The following ALG14 variants were observed in gnomAD, a reference collection of about 807,000 sequenced individuals.
The protein encoded by ALG14 is UDP-N-acetylglucosamine transferase subunit ALG14.
ALG14 carries 17 observed loss-of-function variants against 22.8 expected under a neutral mutation model. That is an observed-to-expected ratio of 0.75 (90% CI 0.51 to 1.12). The LOEUF is 1.12. ALG14 is among the 50% of genes most tolerant of loss of function. The pLI is 0.00. For missense variants in ALG14, 288 were observed against 271.8 expected (o/e 1.06, Z -0.42); for synonymous variants, 89 against 103.7 (o/e 0.86, Z 0.86).
chr1:95,060,790 C>T (rs1342285587), intron 2 of ALG14, among the ~76,000 whole-genome samples: 8 of 151,972 alleles, frequency 5.3e-5, no homozygotes, highest in Admixed American at 6.6e-5. Context: ...GTGAAGCAAA[C>T]CCAACTTACT....
chr1:94,995,748 T>G (rs2100727320), intron 3 of ALG14, among the ~76,000 whole-genome samples: 2 of 152,282 alleles, frequency 1.3e-5, no homozygotes, highest in South Asian at 4.1e-4. Flanking sequence ...AAGTTTGGAT[T>G]CCACACATTG....
intron 3 of ALG14, among the ~76,000 whole-genome samples, chr1:95,007,505 G>A (rs1183996930): frequency 2.0e-5 from 3 of 152,162 alleles, no homozygotes; most frequent in Non-Finnish European, 4.4e-5. Flanking sequence ...ATTCCTGCAC[G>A]TCTAGTGAAC....
chr1:94,993,123 A>G (rs1672814877), intron 3 of ALG14, among the ~76,000 whole-genome samples: 1 of 148,704 alleles, frequency 6.7e-6, no homozygotes, highest in Non-Finnish European at 1.5e-5. Flanking sequence ...AGATAACAAT[A>G]ACCCAGCCAT....
chr1:94,995,411 T>C lies in ALG14; in HGVS notation c.421-12105A>G, dbSNP rs988231808. On this transcript the variant is annotated intron_variant, in intron 3 of 3. Transcript: ENST00000370205. The stretch of plus-strand genomic sequence containing the variant: ...TAAAGTTGCTGTACTCTTGGTGTGC[T>C]TAAAGAACGTGGTATTTTGGGCAAG... Among the ~76,000 whole-genome samples the C allele has an allele frequency of 2.0e-5, 3 of 152,280 alleles. No individual in the cohort carries two copies. The South Asian group carries it at 6.2e-4, about 32-fold the overall frequency.
chr1:95,027,957 G>A (rs1673873708), intron 2 of ALG14, among the ~76,000 whole-genome samples: 1 of 152,192 alleles, frequency 6.6e-6, no homozygotes, highest in Non-Finnish European at 1.5e-5. Flanking sequence ...TTCTCCAGTA[G>A]GGAATGGAGA....
chr1:95,011,513 C>T (rs937767251), intron 3 of ALG14, among the ~76,000 whole-genome samples: 3 of 151,878 alleles, frequency 2.0e-5, no homozygotes, highest in Middle Eastern at 3.2e-3. Context: ...GCAAGCTCCA[C>T]CTCCTGGGTT....
intron 2 of ALG14, among the ~76,000 whole-genome samples, chr1:95,044,937 A>C (rs1417533966): frequency 6.6e-6 from 1 of 152,152 alleles, no homozygotes; most frequent in African/African-American, 2.4e-5. Flanking sequence ...GGAAAACTGA[A>C]AATCTTTGTT....
chr1:94,992,031 A>G (rs1351330303), intron 3 of ALG14, among the ~76,000 whole-genome samples: 1 of 144,556 alleles, frequency 6.9e-6, no homozygotes, highest in Non-Finnish European at 1.5e-5. Flanking sequence ...TATGAGAACA[A>G]TGCCTTCTTC....
Position 95,033,426 on chromosome 1 carries a change from C to T in ALG14, c.289-6166G>A, listed in dbSNP as rs911074314. ...ACATATATATATATATATATACACA[C>T]ACACACACACACACACACATACATA... is the stretch of plus-strand genomic sequence containing the variant. On this transcript the variant is annotated intron_variant, in intron 2 of 3. Transcript: ENST00000370205. 2.2e-3 allele frequency among the ~76,000 whole-genome samples: 323 copies of T among 147,392 alleles called. 1 individual carries two copies. Among genetic ancestry groups the T allele is most frequent in the African/African-American group, 6.9e-3 (271 of 38,994 alleles).
In ALG14 at chr1:95,064,857, G is replaced by C; in HGVS notation, c.288+9C>G. On this transcript the variant is annotated intron_variant, in intron 2 of 3. Transcript: ENST00000370205. ...TGTAATTTTCTTAGAAATAGAAATT[G>C]TCACTTACCATGTTACTAGGGTCTC... is the stretch of plus-strand genomic sequence containing the variant. 1 of 1,601,904 alleles carries C rather than the reference G, an allele frequency of 6.2e-7. No individual in the cohort carries two copies. Among genetic ancestry groups the C allele is most frequent in the Non-Finnish European group, 8.5e-7 (1 of 1,172,760 alleles).
At chr1:95,042,807 G>T (rs1167559696) in intron 2 of ALG14, among the ~76,000 whole-genome samples, 1 of 152,084 alleles carries the variant, frequency 6.6e-6, no homozygotes, top group Non-Finnish European at 1.5e-5. Context: ...TTTAAAAGTC[G>T]GGTCCTTCTG....
intron 2 of ALG14, among the ~76,000 whole-genome samples, chr1:95,063,354 T>TA (rs1239967281): frequency 6.6e-6 from 1 of 152,236 alleles, no homozygotes; most frequent in Non-Finnish European, 1.5e-5. Flanking sequence ...ATTTTCATCA[T>TA]AAAATCTTTG....
intron 3 of ALG14, among the ~76,000 whole-genome samples, chr1:95,010,785 T>G (rs1673340671): frequency 6.6e-6 from 1 of 152,196 alleles, no homozygotes; most frequent in Admixed American, 6.5e-5. Flanking sequence ...AATTAGTTCC[T>G]TTTGCCATTC....
chr1:95,008,434 T>C (rs1373024804), intron 3 of ALG14, among the ~76,000 whole-genome samples: 1 of 152,202 alleles, frequency 6.6e-6, no homozygotes, highest in African/African-American at 2.4e-5. Flanking sequence ...CAAATACAAA[T>C]ATCAGAAATT....
In ALG14 at chr1:95,045,364, T is replaced by A. The variant is rs1674514199; in HGVS notation, c.289-18104A>T. On this transcript the variant is annotated intron_variant, in intron 2 of 3. Coordinates refer to ENST00000370205, the MANE Select transcript of ALG14 (RefSeq NM_144988.4). Reference sequence around the variant, plus strand: ...TGGTTCTGATTTTAGAGAGAAAGAATGTAATGGACATTGGCTTTTGGCTCC... The same window carrying A: ...TGGTTCTGATTTTAGAGAGAAAGAAAGTAATGGACATTGGCTTTTGGCTCC... 3.3e-5 allele frequency among the ~76,000 whole-genome samples: 5 copies of A among 152,152 alleles called. No individual in the cohort carries two copies. In the South Asian group the frequency reaches 1.0e-3, roughly 31 times the overall value.
chr1:95,053,967 T>C (rs1264968664), intron 2 of ALG14, among the ~76,000 whole-genome samples: 1 of 152,142 alleles, frequency 6.6e-6, no homozygotes, highest in African/African-American at 2.4e-5. Flanking sequence ...GCTCACAATG[T>C]CAGATTAGAG....
At chr1:95,033,892 A>C (rs538760449) in intron 2 of ALG14, among the ~76,000 whole-genome samples, 26 of 152,312 alleles carry the variant, frequency 1.7e-4, no homozygotes, top group African/African-American at 6.3e-4. Flanking sequence ...TCTGTTTATA[A>C]TGTAAAGCAG....
intron 2 of ALG14, among the ~76,000 whole-genome samples, chr1:95,036,860 A>G (rs1176038071): frequency 1.3e-5 from 2 of 152,190 alleles, no homozygotes; most frequent in Non-Finnish European, 2.9e-5. Context: ...TCTGGACCTC[A>G]GTGTCCCACT....
At chr1:95,043,589 G>A (rs1674450100) in intron 2 of ALG14, among the ~76,000 whole-genome samples, 1 of 152,156 alleles carries the variant, frequency 6.6e-6, no homozygotes, top group Non-Finnish European at 1.5e-5. Context: ...ATGATCAGCA[G>A]TGCACTGCCA....
Sources: allele counts gnomAD v4.1 joint callset (sites outside exome capture counted in the v4.1 genomes callset), GRCh38; gene constraint gnomAD v4.1.1; transcripts MANE v1.5; gene names NCBI Gene and HGNC (gene_info 2026-07-23, HGNC 2026-07-21).